NPAT: variants seen among roughly 807,000 people sequenced by gnomAD.
NPAT encodes protein NPAT.
A neutral mutation model predicts 130.7 loss-of-function variants in NPAT; 52 were observed. The ratio of observed to expected loss-of-function variants is 0.40; its 90% CI spans 0.32 to 0.50. The LOEUF is 0.50. NPAT is among the 20% of genes least tolerant of loss of function. NPAT has a pLI of 0.68. For missense variants in NPAT, 1,687 were observed against 1,662.6 expected, an observed-to-expected ratio of 1.01 and a Z score of -0.26; for synonymous variants, 580 against 584.8, an observed-to-expected ratio of 0.99 and a Z score of 0.12.
chr11:108,208,216 A>G (rs2078347755), intron 1 of NPAT, among the ~76,000 whole-genome samples: 1 of 152,128 alleles, frequency 6.6e-6, no homozygotes, highest in African/African-American at 2.4e-5. Flanking sequence ...AGCATTCTGA[A>G]TTTTTGCATT....
At chr11:108,196,555 A>G (rs1051280749) in intron 2 of NPAT, among the ~76,000 whole-genome samples, 1 of 152,224 alleles carries the variant, frequency 6.6e-6, no homozygotes, top group African/African-American at 2.4e-5. Flanking sequence ...GAGTCTCTCA[A>G]TTTGTACACA....
chr11:108,193,943 A>T lies in NPAT; in HGVS notation c.217+14T>A, dbSNP rs763052959. The T allele has an allele frequency of 7.2e-6, 11 of 1,522,126 alleles. No homozygotes were observed. Among genetic ancestry groups the T allele is most frequent in the Admixed American group, 1.7e-5 (1 of 59,670 alleles). 94.3% of individuals were successfully genotyped at this position (1,522,126 alleles called of 1,614,324 possible). A position where few individuals can be genotyped will look rare whatever the true frequency, so the allele number is the denominator to read the frequency against. Reference sequence around the variant, plus strand: ...GTATACATCAGCAAAAAAACTCCAAATCAGAACTCTTACCTTTTGTTTTCA... The same window carrying T: ...GTATACATCAGCAAAAAAACTCCAATTCAGAACTCTTACCTTTTGTTTTCA... On this transcript the variant is annotated intron_variant, in intron 3 of 17. Coordinates refer to ENST00000278612, the MANE Select transcript of NPAT (RefSeq NM_002519.3).
chr11:108,172,937 C>G lies in NPAT; in HGVS notation c.2047G>C (p.Glu683Gln). ...FLSLGGNANC[E>Q]KVALTPPEGT... The stretch of plus-strand genomic sequence containing the variant: ...TCTGGAGGCGTCAGTGCAACTTTCT[C>G]ACAGTTAGCATTTCCACCTAAAGAG... Residue 683 changes from glutamate (E) to glutamine (Q), a missense_variant, in exon 13 of 18, where the codon GAG becomes CAG. By Grantham distance (29) the Glu-to-Gln change is conservative. Transcript: ENST00000278612. 6.2e-7 allele frequency: 1 copy of G among 1,614,138 alleles called. No individual in the cohort carries two copies. Among genetic ancestry groups the G allele is most frequent in the Non-Finnish European group, 8.5e-7 (1 of 1,180,030 alleles).
chr11:108,212,170 T>C (rs540060370), intron 1 of NPAT, among the ~76,000 whole-genome samples: 1 of 152,044 alleles, frequency 6.6e-6, no homozygotes, highest in African/African-American at 2.4e-5. Flanking sequence ...TCTGTTCTTG[T>C]CATTTCTATT....
chr11:108,179,059 G>T (rs558060130), intron 10 of NPAT, among the ~76,000 whole-genome samples: 66 of 152,256 alleles, frequency 4.3e-4, no homozygotes, highest in Non-Finnish European at 6.9e-4. Context: ...ACAGAGATCA[G>T]AAATAAACTC....
intron 15 of NPAT, among the ~76,000 whole-genome samples, chr11:108,163,505 T>C (rs1349095302): frequency 6.6e-6 from 1 of 152,200 alleles, no homozygotes; most frequent in Non-Finnish European, 1.5e-5. Context: ...TGTAGATGGC[T>C]ATATTCCAGG....
chr11:108,216,701 C>G (rs2078438555), intron 1 of NPAT, among the ~76,000 whole-genome samples: 1 of 152,110 alleles, frequency 6.6e-6, no homozygotes, highest in South Asian at 2.1e-4. Context: ...CATTATACCT[C>G]TGTATAGCAC....
Position 108,160,941 on chromosome 11 carries a change from G to A in NPAT, c.4145C>T (p.Ser1382Phe), listed in dbSNP as rs934142971. 6.2e-7 allele frequency: 1 copy of A among 1,614,112 alleles called. No individual in the cohort carries two copies. The highest frequency in any genetic ancestry group is 2.2e-5 in the East Asian group (1 of 44,878). Residue 1382 changes from serine to phenylalanine, a missense_variant, in exon 17 of 18, where the codon TCT becomes TTT. By Grantham distance (155) the Ser-to-Phe change is radical. Around this residue, in one of 3 missense-constraint regions of NPAT, gnomAD observed 1,379 missense variants for 1,346.6 expected, o/e 1.02. Transcript: ENST00000278612. The stretch of plus-strand genomic sequence containing the variant: ...TGTAAGATTTTTACTAGAAGGACGA[G>A]AGTTTCGCTCACGTTCATCTAATTC... ...IEELDERERN[S>F]RPSSKNLTNS...
intron 1 of NPAT, among the ~76,000 whole-genome samples, chr11:108,203,175 GA>G (rs2078290431): frequency 6.6e-6 from 1 of 152,180 alleles, no homozygotes; most frequent in Non-Finnish European, 1.5e-5. Context: ...AATTCCCTTT[GA>G]AATGATGTAC....
At chr11:108,170,691 AACCTACT>A (rs2077942369) in intron 13 of NPAT, among the ~76,000 whole-genome samples, 1 of 152,180 alleles carries the variant, frequency 6.6e-6, no homozygotes, top group Non-Finnish European at 1.5e-5. Context: ...ATTTTCATGC[AACCTACT>A]ACGGTCTCTC....
intron 1 of NPAT, among the ~76,000 whole-genome samples, chr11:108,205,235 A>G (rs74998606): frequency 6.6e-6 from 1 of 152,170 alleles, no homozygotes; most frequent in Non-Finnish European, 1.5e-5. Context: ...AAGATAAAAA[A>G]CTGATAGCAA....
chr11:108,191,322 C>T (rs1388145654), intron 4 of NPAT, among the ~76,000 whole-genome samples: 3 of 152,050 alleles, frequency 2.0e-5, no homozygotes, highest in Non-Finnish European at 4.4e-5. Context: ...AAGATGCCAA[C>T]AAACATGGAA....
chr11:108,192,960 A>T (rs2078185326), intron 3 of NPAT, among the ~76,000 whole-genome samples: 1 of 151,870 alleles, frequency 6.6e-6, no homozygotes, highest in South Asian at 2.1e-4. Flanking sequence ...GTCTCAAAAA[A>T]AAAACAAACA....
At chr11:108,205,681 T>C (rs1409947701) in intron 1 of NPAT, among the ~76,000 whole-genome samples, 1 of 152,150 alleles carries the variant, frequency 6.6e-6, no homozygotes, top group Non-Finnish European at 1.5e-5. Context: ...CTGTAAGAAA[T>C]ACTAAAGGGG....
intron 1 of NPAT, among the ~76,000 whole-genome samples, chr11:108,210,903 C>T (rs2134895056): frequency 6.6e-6 from 1 of 152,310 alleles, no homozygotes; most frequent in African/African-American, 2.4e-5. Context: ...CATCACAAAA[C>T]TACACGCCAA....
intron 1 of NPAT, among the ~76,000 whole-genome samples, chr11:108,220,745 C>A (rs1323227433): frequency 6.6e-6 from 1 of 152,224 alleles, no homozygotes; most frequent in East Asian, 1.9e-4. Flanking sequence ...ATTGTATACT[C>A]CTGCCCATCT....
At chr11:108,177,218 C>CA in intron 10 of NPAT, 128 bp from the exon 11 acceptor site, 1 of 378,102 alleles carries the variant, frequency 2.6e-6, no homozygotes, top group African/African-American at 2.1e-5. Flanking sequence ...GTGGTAGAGT[C>CA]ACTGTAGCTC....
In NPAT at chr11:108,190,449, T is replaced by C; in HGVS notation, c.331+11A>G. ...AGTAATTGTGAACATTGTTTAAAGT[T>C]GGATACCAACCTCTCTGACTGCCAG... On this transcript the variant is annotated intron_variant, in intron 5 of 17. Transcript: ENST00000278612. 4.3e-6 allele frequency: 7 copies of C among 1,611,200 alleles called. No homozygotes were observed. The highest frequency in any genetic ancestry group is 5.9e-6 in the Non-Finnish European group (7 of 1,177,314).
At chr11:108,166,317 G>A (rs757001345) in intron 15 of NPAT, among the ~76,000 whole-genome samples, 17 of 152,044 alleles carry the variant, frequency 1.1e-4, no homozygotes, top group Non-Finnish European at 1.9e-4. Flanking sequence ...GCTTGAACCC[G>A]GGAGGCGAAG....
Sources: gnomAD v4.1 joint callset for allele counts (sites outside exome capture counted in the v4.1 genomes callset) on GRCh38, gnomAD v4.1.1 for gene constraint, gnomAD v4.1.1 regional missense constraint, MANE v1.5 for transcripts, NCBI Gene and HGNC (gene_info 2026-07-23, HGNC 2026-07-21) for gene names.